The following ZNF90 variants were observed in gnomAD, a reference collection of about 807,000 sequenced individuals.
The protein encoded by ZNF90 is zinc finger protein HTF9.
Under a neutral mutation model 12.0 loss-of-function variants are expected in ZNF90, and 11 were observed. That is an observed-to-expected ratio of 0.92 (90% confidence interval 0.58 to 1.52). The LOEUF (loss-of-function observed/expected upper bound fraction) is 1.52. Ranked by LOEUF, ZNF90 falls within the 40% of genes most tolerant of loss-of-function variation. The probability of loss-of-function intolerance (pLI) is 0.00; values close to 1 mark genes in which losing one functional copy is unlikely to be tolerated. For synonymous variants in ZNF90, 232 were observed against 240.1 expected (o/e 0.97, Z 0.31); for missense variants, 765 against 711.5 (o/e 1.08, Z -0.86).
Position 20,078,199 on chromosome 19 carries a change from C to T in ZNF90, c.3+64C>T, listed in dbSNP as rs377037457. The T allele has an allele frequency of 1.2e-4, 186 of 1,607,618 alleles. 1 individual carries two copies. The highest frequency in any genetic ancestry group is 5.0e-4 in the Middle Eastern group (3 of 6,052). ...ACTGGTTGGAACCGATGGGAAGTGG[C>T]TGTGGCGGGACTTAGGCCTCCCCGC... On this transcript the variant is annotated intron_variant, in intron 1 of 3. Coordinates refer to ENST00000418063, the MANE Select transcript of ZNF90 (RefSeq NM_007138.2).
At position 20,109,996 on chromosome 19, in the gene ZNF90, T is replaced by G. The variant is rs782756247; in HGVS notation, c.226+4680T>G. Among the ~76,000 whole-genome samples, 8 of 152,234 alleles carry G rather than the reference T, an allele frequency of 5.3e-5. 1 individual carries two copies. The highest frequency in any genetic ancestry group is 7.3e-5 in the Non-Finnish European group (5 of 68,046). ...ACAGACAAACCTTCCACTTTCTGATTTTATGATTTTGACTACTTATTTCAT... is the reference window on the plus strand; with the variant it reads ...ACAGACAAACCTTCCACTTTCTGATGTTATGATTTTGACTACTTATTTCAT... On this transcript the variant is annotated intron_variant, in intron 3 of 3. Transcript: ENST00000418063.
At chr19:20,092,231 A>T (rs1307649664) in intron 1 of ZNF90, among the ~76,000 whole-genome samples, 3 of 152,160 alleles carry the variant, frequency 2.0e-5, no homozygotes, top group African/African-American at 7.2e-5. Flanking sequence ...TGAGGAAGAA[A>T]ATAGATTTTG....
chr19:20,084,525 C>G (rs1555701855), intron 1 of ZNF90, among the ~76,000 whole-genome samples: 1 of 152,154 alleles, frequency 6.6e-6, no homozygotes, highest in African/African-American at 2.4e-5. Flanking sequence ...GCTCCTGGGT[C>G]AAATGAGGAT....
rs1216175727 is a variant in ZNF90, at chr19:20,091,445, T to C, written c.4-12794T>C. ...GGCCTGTGAGGCTGGAAGAAGATAT[T>C]TTCCTTGGTCTAAGAACCATTTGCC... On this transcript the variant is annotated intron_variant, in intron 1 of 3. Coordinates refer to ENST00000418063, the MANE Select transcript of ZNF90 (RefSeq NM_007138.2). Among the ~76,000 whole-genome samples, 4 of 152,164 alleles carry C rather than the reference T, an allele frequency of 2.6e-5. No homozygotes were observed. In the East Asian group the frequency reaches 7.7e-4, roughly 29 times the overall value.
At position 20,118,713 on chromosome 19, in the gene ZNF90, CA is replaced by C. The variant is rs2089167298; in HGVS notation, c.1160del (p.His387LeufsTer3). On this transcript the variant is annotated frameshift_variant, in exon 4 of 4. Coordinates refer to ENST00000418063, the MANE Select transcript of ZNF90 (RefSeq NM_007138.2). LOFTEE classifies it low-confidence loss of function (END_TRUNC). ...TATTTCATCCTCACTCCTTTATAAACATAAGATAAGTCATAGTGAAAAGAAA... is the reference window on the plus strand; with the variant it reads ...TATTTCATCCTCACTCCTTTATAAACTAAGATAAGTCATAGTGAAAAGAAA... ...AFISSSLLYK[H>X]KISHSEKKPY... 4 of 1,564,694 alleles carry C rather than the reference CA, an allele frequency of 2.6e-6. No individual in the cohort carries two copies. Among genetic ancestry groups the C allele is most frequent in the Non-Finnish European group, 2.6e-6 (3 of 1,155,710 alleles).
rs1599636423 is a variant in ZNF90, at chr19:20,078,068, T to C, written c.-65T>C. ...CTGCTTCGTGTCTTCTTCTCCAGCCTCTGTGGCCCTGTGACCTGCAGGTAT... is the reference window on the plus strand; with the variant it reads ...CTGCTTCGTGTCTTCTTCTCCAGCCCCTGTGGCCCTGTGACCTGCAGGTAT... On this transcript the variant is annotated 5_prime_UTR_variant, in exon 1 of 4. Coordinates refer to ENST00000418063, the MANE Select transcript of ZNF90 (RefSeq NM_007138.2). 1 of 1,611,132 alleles carries C rather than the reference T, an allele frequency of 6.2e-7. No homozygotes were observed. Among genetic ancestry groups the C allele is most frequent in the East Asian group, 2.2e-5 (1 of 44,856 alleles).
intron 3 of ZNF90, among the ~76,000 whole-genome samples, chr19:20,113,254 T>C (rs1216249091): frequency 2.0e-5 from 3 of 151,938 alleles, no homozygotes; most frequent in African/African-American, 7.3e-5. Flanking sequence ...AATGGCAGGA[T>C]CTCAGCTCAC....
In ZNF90 at chr19:20,117,934, A is replaced by C. The variant is rs1555705875; in HGVS notation, c.380A>C (p.Lys127Thr). The C allele has an allele frequency of 9.9e-6, 16 of 1,613,446 alleles. No individual in the cohort carries two copies. The highest frequency in any genetic ancestry group is 1.3e-5 in the African/African-American group (1 of 74,888). ...AGTGTGGATGAGGGTAAAGTACACAAAAGAGGTTATAATGGACTTAACCAA... is the reference window on the plus strand; with the variant it reads ...AGTGTGGATGAGGGTAAAGTACACACAAGAGGTTATAATGGACTTAACCAA... ...CESVDEGKVH[K>T]RGYNGLNQCL... is the part of the protein sequence containing the mutation. Residue 127 changes from lysine to threonine, a missense_variant, in exon 4 of 4, where the codon AAA (lysine) becomes ACA (threonine). Transcript: ENST00000418063.
rs2088821213 is a variant in ZNF90, at chr19:20,081,755, T to C, written c.3+3620T>C. Reference sequence around the variant, plus strand: ...CCCACACAGGGATTTGTTTTTTTTCTTTCTTTCTTTCTTCTTTTTTTTTTT... The same window carrying C: ...CCCACACAGGGATTTGTTTTTTTTCCTTCTTTCTTTCTTCTTTTTTTTTTT... On this transcript the variant is annotated intron_variant, in intron 1 of 3. Transcript: ENST00000418063. Among the ~76,000 whole-genome samples, 3 of 149,786 alleles carry C rather than the reference T, an allele frequency of 2.0e-5. No homozygotes were observed. The South Asian group carries it at 6.2e-4, about 31-fold the overall frequency.
intron 1 of ZNF90, among the ~76,000 whole-genome samples, chr19:20,103,132 G>A (rs1332721611): frequency 2.0e-5 from 3 of 152,178 alleles, no homozygotes; most frequent in East Asian, 1.9e-4. Flanking sequence ...GGGCCATTGC[G>A]ATCCTCGAGG....
At chr19:20,084,006 T>A (rs1351035645) in intron 1 of ZNF90, among the ~76,000 whole-genome samples, 3 of 152,208 alleles carry the variant, frequency 2.0e-5, no homozygotes, top group African/African-American at 7.2e-5. Flanking sequence ...TCCAACTGCC[T>A]TGGCCTCCCA....
rs2089191012 is a variant in ZNF90 at position 20,121,109 on chromosome 19, T to G, written c.*1749T>G. On this transcript the variant is annotated 3_prime_UTR_variant, in exon 4 of 4. Coordinates refer to ENST00000418063, the MANE Select transcript of ZNF90 (RefSeq NM_007138.2). ...ATTATGAATTACAGTTAAAGGTATA[T>G]TAAATTACTGTATTATTTTACTAAT... The G allele has an allele frequency of 5.3e-6, 1 of 188,340 alleles. No homozygotes were observed. The highest frequency in any genetic ancestry group is 7.2e-5 in the South Asian group (1 of 13,884). The allele number at this position is 188,340 out of a possible 1,614,324, so 11.7% of individuals were successfully genotyped here. A position where few individuals can be genotyped will look rare whatever the true frequency, so the allele number is the denominator to read the frequency against.
chr19:20,103,623 C>T (rs1479900832), intron 1 of ZNF90, among the ~76,000 whole-genome samples: 2 of 152,114 alleles, frequency 1.3e-5, no homozygotes, highest in Non-Finnish European at 2.9e-5. Context: ...GGCAGCTGTC[C>T]TTTTTTCTTA....
intron 1 of ZNF90, among the ~76,000 whole-genome samples, chr19:20,090,561 G>A (rs2088894332): frequency 6.6e-6 from 1 of 152,136 alleles, no homozygotes; most frequent in Non-Finnish European, 1.5e-5. Flanking sequence ...CCCGTCCATC[G>A]AGGTTGTAGA....
intron 3 of ZNF90, among the ~76,000 whole-genome samples, chr19:20,106,180 T>A (rs1322159443): frequency 6.6e-6 from 1 of 151,824 alleles, no homozygotes; most frequent in East Asian, 1.9e-4. Flanking sequence ...TATAAAGCTG[T>A]ACATATACTT....
chr19:20,118,878 A>T lies in ZNF90; in HGVS notation c.1324A>T (p.Thr442Ser). Residue 442 changes from threonine to serine, a missense_variant, in exon 4 of 4, where the codon ACA (threonine) becomes TCA (serine). Coordinates refer to ENST00000418063, the MANE Select transcript of ZNF90 (RefSeq NM_007138.2). ...KVFKRSSALS[T>S]HKIIHSGEKP... ...CTTCAAACGCTCCTCAGCCCTTAGC[A>T]CACATAAGATAATTCATAGTGGAGA... 6.2e-7 allele frequency: 1 copy of T among 1,611,148 alleles called. No homozygotes were observed. Among genetic ancestry groups the T allele is most frequent in the Non-Finnish European group, 8.5e-7 (1 of 1,178,666 alleles).
intron 1 of ZNF90, among the ~76,000 whole-genome samples, chr19:20,090,615 G>A (rs977771357): frequency 2.6e-5 from 4 of 152,188 alleles, no homozygotes; most frequent in African/African-American, 9.7e-5. Flanking sequence ...CGTCCAGCTA[G>A]GTTGTCTTCA....
chr19:20,110,384 T>C (rs782126655), intron 3 of ZNF90, among the ~76,000 whole-genome samples: 2 of 152,102 alleles, frequency 1.3e-5, no homozygotes, highest in Non-Finnish European at 2.9e-5. Flanking sequence ...GTTCAAGCAA[T>C]TCTCCTGCTT....
At chr19:20,087,796 AGAT>A (rs2088870622) in intron 1 of ZNF90, among the ~76,000 whole-genome samples, 1 of 152,110 alleles carries the variant, frequency 6.6e-6, no homozygotes, top group African/African-American at 2.4e-5. Context: ...CAGCAAAGGG[AGAT>A]AAGTGTGGGG....
Sources: allele counts gnomAD v4.1 joint callset (sites outside exome capture counted in the v4.1 genomes callset), GRCh38; gene constraint gnomAD v4.1.1; transcripts MANE v1.5; gene names NCBI Gene and HGNC (gene_info 2026-07-23, HGNC 2026-07-21).